Variants in ZNF536 observed in about 807,000 individuals in gnomAD.
The protein encoded by ZNF536 is zinc finger protein 536.
In ZNF536, 13 loss-of-function variants were observed where a neutral mutation model predicts 84.5. The ratio of observed to expected loss-of-function variants is 0.15; its 90% CI spans 0.10 to 0.24. The LOEUF (loss-of-function observed/expected upper bound fraction) is 0.24, where lower values mean the gene tolerates loss of function less well. ZNF536 is among the 10% of genes least tolerant of loss of function. The pLI, the probability that ZNF536 is intolerant of heterozygous loss-of-function variation, is 1.00. For missense variants in ZNF536, 1,536 were observed against 1,747.5 expected, an observed-to-expected ratio of 0.88 and a Z score of 2.16; for synonymous variants, 811 against 742.5, an observed-to-expected ratio of 1.09 and a Z score of -1.50.
intron 2 of ZNF536, among the ~76,000 whole-genome samples, chr19:30,308,365 G>T (rs1350374870): frequency 6.6e-6 from 1 of 151,696 alleles, no homozygotes; most frequent in Non-Finnish European, 1.5e-5. Context: ...TTTTTTTCAT[G>T]TGAACCATGA....
At chr19:30,313,825 T>C (rs942893717) in intron 2 of ZNF536, among the ~76,000 whole-genome samples, 9 of 152,156 alleles carry the variant, frequency 5.9e-5, no homozygotes, top group African/African-American at 1.9e-4. Context: ...TCTCCCAACC[T>C]GAAGGCCTTC....
intron 3 of ZNF536, among the ~76,000 whole-genome samples, chr19:30,352,645 T>C (rs556618720): frequency 1.3e-5 from 2 of 152,026 alleles, no homozygotes; most frequent in South Asian, 2.1e-4. Flanking sequence ...CAGATAGGAG[T>C]CCCGTACCTG....
At chr19:30,625,538 C>CG (rs1287310965) in intron 1 of ZNF536, among the ~76,000 whole-genome samples, 4 of 152,168 alleles carry the variant, frequency 2.6e-5, no homozygotes, top group Non-Finnish European at 4.4e-5. Flanking sequence ...TGTTAAGAAG[C>CG]GGGCAAGGTT....
chr19:30,563,347 G>T (rs1414875861), intron 1 of ZNF536, among the ~76,000 whole-genome samples: 1 of 152,152 alleles, frequency 6.6e-6, no homozygotes, highest in Non-Finnish European at 1.5e-5. Context: ...TCTTGCGATG[G>T]ACAGACACAC....
intron 1 of ZNF536, among the ~76,000 whole-genome samples, chr19:30,569,096 C>G (rs2046449051): frequency 6.6e-6 from 1 of 152,198 alleles, no homozygotes; most frequent in South Asian, 2.1e-4. Flanking sequence ...CACCACATAT[C>G]CAGAAGCAAA....
intron 2 of ZNF536, among the ~76,000 whole-genome samples, chr19:30,285,668 C>T (rs1466875197): frequency 6.6e-6 from 1 of 152,194 alleles, no homozygotes; most frequent in African/African-American, 2.4e-5. Flanking sequence ...TAGCTGTGGC[C>T]AAGCCTCTCT....
intron 1 of ZNF536, among the ~76,000 whole-genome samples, chr19:30,702,346 G>T (rs765131807): frequency 2.6e-5 from 4 of 152,098 alleles, no homozygotes; most frequent in Admixed American, 6.5e-5. Context: ...GCTCTACGGC[G>T]CAGCGACAAT....
chr19:30,545,113 T>G (rs1259985316), intron 3 of ZNF536, among the ~76,000 whole-genome samples: 1 of 152,202 alleles, frequency 6.6e-6, no homozygotes, highest in Admixed American at 6.5e-5. Context: ...CAAGTTTGCA[T>G]CTTTGGCCAA....
At chr19:30,471,710 C>T (rs766513117) in intron 2 of ZNF536, among the ~76,000 whole-genome samples, 5 of 152,190 alleles carry the variant, frequency 3.3e-5, no homozygotes, top group Admixed American at 6.5e-5. Context: ...TCTGCAGAGG[C>T]CCTGCTGAGG....
intron 4 of ZNF536, among the ~76,000 whole-genome samples, chr19:30,549,819 G>C (rs1416617120): frequency 6.6e-6 from 1 of 152,142 alleles, no homozygotes; most frequent in African/African-American, 2.4e-5. Context: ...GAACTTGAAG[G>C]GGGGAAAATC....
intron 1 of ZNF536, among the ~76,000 whole-genome samples, chr19:30,613,857 T>TTTTA (rs1342272853): frequency 6.6e-6 from 1 of 151,976 alleles, no homozygotes; most frequent in Non-Finnish European, 1.5e-5. Flanking sequence ...TGTTTGGTTC[T>TTTTA]TTTATTTATT....
intron 1 of ZNF536, among the ~76,000 whole-genome samples, chr19:30,277,077 G>A (rs908621745): frequency 1.3e-5 from 2 of 151,820 alleles, no homozygotes; most frequent in African/African-American, 4.8e-5. Context: ...TTCTAATTAC[G>A]TATATACTCT....
chr19:30,536,958 C>G (rs1280159297), intron 3 of ZNF536, among the ~76,000 whole-genome samples: 2 of 152,172 alleles, frequency 1.3e-5, no homozygotes, highest in African/African-American at 4.8e-5. Flanking sequence ...CAGTGGACCC[C>G]CCGCCCCACC....
intron 2 of ZNF536, among the ~76,000 whole-genome samples, chr19:30,292,863 T>A (rs1032246229): frequency 6.6e-6 from 1 of 152,154 alleles, no homozygotes; most frequent in Non-Finnish European, 1.5e-5. Flanking sequence ...AAGGAGATAG[T>A]TTTAGGATGC....
chr19:30,642,319 G>A (rs1351512467), intron 1 of ZNF536, among the ~76,000 whole-genome samples: 1 of 152,134 alleles, frequency 6.6e-6, no homozygotes, highest in African/African-American at 2.4e-5. Flanking sequence ...GACACTTGGG[G>A]CCCATTTCAA....
intron 1 of ZNF536, among the ~76,000 whole-genome samples, chr19:30,676,717 A>G (rs909033520): frequency 2.0e-5 from 3 of 152,220 alleles, no homozygotes; most frequent in Non-Finnish European, 2.9e-5. Context: ...GCCTTAGAGA[A>G]TTAAACTTGT....
At chr19:30,479,616 C>T (rs993047702) in intron 2 of ZNF536, among the ~76,000 whole-genome samples, 9 of 152,212 alleles carry the variant, frequency 5.9e-5, no homozygotes, top group African/African-American at 9.7e-5. Flanking sequence ...GGGGCCCTCA[C>T]GCACACCCCA....
chr19:30,337,979 A>G (rs2047435157), intron 2 of ZNF536, among the ~76,000 whole-genome samples: 1 of 151,236 alleles, frequency 6.6e-6, no homozygotes, highest in South Asian at 2.1e-4. Flanking sequence ...GATTGTGATT[A>G]TGATGATGAT....
chr19:30,268,107 A>G (rs2025621381), intron 1 of ZNF536, among the ~76,000 whole-genome samples: 1 of 117,326 alleles, frequency 8.5e-6, no homozygotes, highest in Non-Finnish European at 1.8e-5. Context: ...GCCACATTAA[A>G]TATATTGACT....
Sources: gnomAD v4.1 joint callset for allele counts (sites outside exome capture counted in the v4.1 genomes callset) on GRCh38, gnomAD v4.1.1 for gene constraint, MANE v1.5 for transcripts, NCBI Gene and HGNC (gene_info 2026-07-23, HGNC 2026-07-21) for gene names.